PIEZO2: variants seen among roughly 807,000 people sequenced by gnomAD.
PIEZO2 encodes piezo-type mechanosensitive ion channel component 2.
In PIEZO2, 172 loss-of-function variants were observed where a neutral mutation model predicts 337.3. The observed-to-expected ratio is 0.51, with a 90% CI of 0.45 to 0.58. PIEZO2 has a LOEUF of 0.58. PIEZO2 is among the 20% of genes least tolerant of loss of function. PIEZO2 has a pLI of 0.00. For missense variants in PIEZO2, 3,028 were observed against 3,391.3 expected (o/e 0.89, Z 2.66); for synonymous variants, 1,251 against 1,228.5 (o/e 1.02, Z -0.38).
In PIEZO2 at chr18:10,746,364, A is replaced by G. The variant is rs757587510; in HGVS notation, c.4424+2107T>C. 2.0e-5 allele frequency among the ~76,000 whole-genome samples: 3 copies of G among 152,164 alleles called. No individual in the cohort carries two copies. Among genetic ancestry groups the G allele is most frequent in the Non-Finnish European group, 4.4e-5 (3 of 68,036 alleles). ...CCTCATCTTCCAATCTCAGCGCTGC[A>G]GTCACTGTGAGCTTCTGATGGCTAC... On this transcript the variant is annotated intron_variant, in intron 30 of 55. Coordinates refer to ENST00000674853, the MANE Select transcript of PIEZO2 (RefSeq NM_001378183.1). This position sits in a 1 kb window ranked among gnomAD's most constrained non-coding sequence, Gnocchi z 4.2.
At chr18:10,680,498 AATGG>A in intron 51 of PIEZO2, 127 bp from the exon 52 acceptor site, 1 of 904,956 alleles carries the variant, frequency 1.1e-6, no homozygotes, top group Non-Finnish European at 1.6e-6. Flanking sequence ...ATATTTTTAT[AATGG>A]ATGGTCTTGA....
At chr18:11,007,911 A>C (rs1420882143) in intron 2 of PIEZO2, among the ~76,000 whole-genome samples, 1 of 152,220 alleles carries the variant, frequency 6.6e-6, no homozygotes, top group Non-Finnish European at 1.5e-5. Flanking sequence ...CCTGATCTAC[A>C]GGAAGAAAAG....
rs1233978908 is a variant in PIEZO2, at chr18:10,741,181, T to G, written c.4637-79A>C. Reference sequence around the variant, plus strand: ...TGAAAACCACGCTTTAACAACTCAATTGTCAAATCTAGGTAAATTGCAAAA... The same window carrying G: ...TGAAAACCACGCTTTAACAACTCAAGTGTCAAATCTAGGTAAATTGCAAAA... On this transcript the variant is annotated intron_variant, in intron 32 of 55. Transcript: ENST00000674853. 12 of 1,318,504 alleles carry G rather than the reference T, an allele frequency of 9.1e-6. No individual in the cohort carries two copies. In the South Asian group the frequency reaches 1.0e-4, roughly 11 times the overall value. The allele number at this position is 1,318,504 out of a possible 1,614,324, so 81.7% of individuals were successfully genotyped here.
chr18:10,826,254 T>C (rs1373297442), intron 7 of PIEZO2, among the ~76,000 whole-genome samples: 1 of 152,298 alleles, frequency 6.6e-6, no homozygotes, highest in East Asian at 1.9e-4. Flanking sequence ...CAAGAAAATA[T>C]GTGTGCATAT....
At chr18:10,947,612 T>G (rs990601831) in intron 3 of PIEZO2, among the ~76,000 whole-genome samples, 2 of 152,092 alleles carry the variant, frequency 1.3e-5, no homozygotes, top group Non-Finnish European at 2.9e-5. Context: ...AGAAAGTCCT[T>G]CAGATGGAAG....
Position 11,094,374 on chromosome 18 carries a change from C to T in PIEZO2, c.65-28152G>A, listed in dbSNP as rs553399853. ...GAGAAAAAGTAGTTTCAGTAGGACT[C>T]AAAACCAGGGCTTTGAGTCAAGTTA... On this transcript the variant is annotated intron_variant, in intron 1 of 55. Coordinates refer to ENST00000674853, the MANE Select transcript of PIEZO2 (RefSeq NM_001378183.1). This position sits in a 1 kb window ranked among gnomAD's most constrained non-coding sequence, Gnocchi z 4.4. Among the ~76,000 whole-genome samples the T allele has an allele frequency of 2.0e-5, 3 of 152,138 alleles. No homozygotes were observed. Among genetic ancestry groups the T allele is most frequent in the Non-Finnish European group, 4.4e-5 (3 of 68,034 alleles).
intron 2 of PIEZO2, among the ~76,000 whole-genome samples, chr18:11,025,611 G>A (rs2036512650): frequency 1.3e-5 from 2 of 150,284 alleles, no homozygotes; most frequent in Admixed American, 6.6e-5. Context: ...CAGGACGGAT[G>A]TGCTTTGTGC....
rs1438610231 is a variant in PIEZO2 at position 11,077,056 on chromosome 18, T to G, written c.65-10834A>C. On this transcript the variant is annotated intron_variant, in intron 1 of 55. Coordinates refer to ENST00000674853, the MANE Select transcript of PIEZO2 (RefSeq NM_001378183.1). This position sits in a 1 kb window ranked among gnomAD's most constrained non-coding sequence, Gnocchi z 4.8. ...TGCAAATGAGGAAATAAAGCTTTTA[T>G]GCTCATACATAATTTCTTAAACTAT... Among the ~76,000 whole-genome samples, 1 of 152,216 alleles carries G rather than the reference T, an allele frequency of 6.6e-6. No individual in the cohort carries two copies. Among genetic ancestry groups the G allele is most frequent in the Admixed American group, 6.5e-5 (1 of 15,284 alleles).
intron 3 of PIEZO2, among the ~76,000 whole-genome samples, chr18:10,964,843 A>T (rs912934201): frequency 6.6e-6 from 1 of 152,178 alleles, no homozygotes; most frequent in African/African-American, 2.4e-5. Context: ...ATCTAAATGG[A>T]GTCATACAGT....
intron 37 of PIEZO2, among the ~76,000 whole-genome samples, chr18:10,717,540 T>G (rs545369363): frequency 1.3e-5 from 2 of 152,344 alleles, no homozygotes; most frequent in Admixed American, 1.3e-4. Flanking sequence ...AATGGCATGA[T>G]TAGAGAGGGC....
Position 11,110,765 on chromosome 18 carries a change from G to A in PIEZO2, c.64+37760C>T, listed in dbSNP as rs960424296. 4.1e-4 allele frequency among the ~76,000 whole-genome samples: 60 copies of A among 147,908 alleles called. 1 individual carries two copies. The highest frequency in any genetic ancestry group is 1.5e-3 in the African/African-American group (59 of 40,684). On this transcript the variant is annotated intron_variant, in intron 1 of 55. Coordinates refer to ENST00000674853, the MANE Select transcript of PIEZO2 (RefSeq NM_001378183.1). This position sits in a 1 kb window ranked among gnomAD's most constrained non-coding sequence, Gnocchi z 4.2. ...GCCTCCGTCAAGCTGATGGCAGGCA[G>A]CTCTGGCCCACGTGTGCGTTTCCTT...
chr18:11,011,339 C>T (rs1479900148), intron 2 of PIEZO2, among the ~76,000 whole-genome samples: 3 of 152,140 alleles, frequency 2.0e-5, no homozygotes, highest in Non-Finnish European at 4.4e-5. Context: ...TTGCAAATAT[C>T]AATATCAAAC....
intron 52 of PIEZO2, among the ~76,000 whole-genome samples, chr18:10,678,159 C>T (rs1260318611): frequency 6.6e-6 from 1 of 152,182 alleles, no homozygotes; most frequent in Non-Finnish European, 1.5e-5. Context: ...TGTTTTAATA[C>T]GAGGTTCTAA....
Position 10,878,988 on chromosome 18 carries a change from G to C in PIEZO2, c.330-7573C>G, listed in dbSNP as rs1457049065. 6.6e-6 allele frequency among the ~76,000 whole-genome samples: 1 copy of C among 152,196 alleles called. No individual in the cohort carries two copies. The highest frequency in any genetic ancestry group is 1.9e-4 in the East Asian group (1 of 5,202). Reference sequence around the variant, plus strand: ...AAACTGAAAGCCACATGGAGTTTGTGCCTGGGAGCAAAGTCATGGCTGATG... The same window carrying C: ...AAACTGAAAGCCACATGGAGTTTGTCCCTGGGAGCAAAGTCATGGCTGATG... On this transcript the variant is annotated intron_variant, in intron 4 of 55. Coordinates refer to ENST00000674853, the MANE Select transcript of PIEZO2 (RefSeq NM_001378183.1). The surrounding 1 kb of genome is among the most constrained non-coding windows in gnomAD (Gnocchi z 4.3).
rs1230145366 is a variant in PIEZO2, at chr18:10,988,234, TTTGG to T, written c.161-8578_161-8575del. Among the ~76,000 whole-genome samples the T allele has an allele frequency of 4.6e-5, 7 of 152,240 alleles. No homozygotes were observed. The South Asian group carries it at 1.2e-3, about 27-fold the overall frequency. Reference sequence around the variant, plus strand: ...GGAGGATGAAGCAACACAGTGCCATTTTGGAAGCAGAAAGACCAGGGTCTCACCA... The same window carrying T: ...GGAGGATGAAGCAACACAGTGCCATTAAGCAGAAAGACCAGGGTCTCACCA... On this transcript the variant is annotated intron_variant, in intron 2 of 55. Coordinates refer to ENST00000674853, the MANE Select transcript of PIEZO2 (RefSeq NM_001378183.1). The surrounding 1 kb of genome is among the most constrained non-coding windows in gnomAD (Gnocchi z 4.8).
chr18:10,901,430 G>GCACACACACA (rs34887184), intron 4 of PIEZO2, among the ~76,000 whole-genome samples: 28 of 147,992 alleles, frequency 1.9e-4, no homozygotes, highest in African/African-American at 6.9e-4. Flanking sequence ...ACACACACAC[G>GCACACACACA]CACACACACA....
intron 41 of PIEZO2, among the ~76,000 whole-genome samples, chr18:10,705,114 T>C (rs1283608487): frequency 6.6e-6 from 1 of 152,152 alleles, no homozygotes; most frequent in Non-Finnish European, 1.5e-5. Context: ...TAGAAAGAAA[T>C]GTCAACACAA....
rs759076587 is a variant in PIEZO2 at position 10,744,155 on chromosome 18, G to C, written c.4501C>G (p.Gln1501Glu). The C allele has an allele frequency of 3.6e-5, 55 of 1,535,562 alleles. No homozygotes were observed. Among genetic ancestry groups the C allele is most frequent in the Non-Finnish European group, 4.5e-5 (51 of 1,145,630 alleles). Reference protein sequence around the residue: ...RIEEEKKSMDQLKRQMDRIKA... With the variant: ...RIEEEKKSMDELKRQMDRIKA... ...TAGCATCCTTACTGTCGCTTCAGCT[G>C]GTCCATGGACTTCTTCTCTTCCTCA... Residue 1501 changes from glutamine (Q) to glutamate (E), a missense_variant, in exon 31 of 56, where the codon CAG becomes GAG. Physicochemically the swap from Gln to Glu is conservative, Grantham distance 29 (BLOSUM62 2). Coordinates refer to ENST00000674853, the MANE Select transcript of PIEZO2 (RefSeq NM_001378183.1).
intron 2 of PIEZO2, among the ~76,000 whole-genome samples, chr18:11,056,187 C>T (rs1172565335): frequency 1.3e-5 from 2 of 152,186 alleles, no homozygotes; most frequent in Non-Finnish European, 2.9e-5. Context: ...CCTCGGCACC[C>T]TGTGCTGAGT....
Sources: gnomAD v4.1 joint callset for allele counts (sites outside exome capture counted in the v4.1 genomes callset) on GRCh38, gnomAD v4.1.1 for gene constraint, Gnocchi (gnomAD v3.1) non-coding constraint, MANE v1.5 for transcripts, NCBI Gene and HGNC (gene_info 2026-07-23, HGNC 2026-07-21) for gene names.